MAP3K6: variants seen among roughly 807,000 people sequenced by gnomAD.
The protein encoded by MAP3K6 is apoptosis signal-regulating kinase 2.
In MAP3K6, 105 loss-of-function variants were observed where a neutral mutation model predicts 147.1. The ratio of observed to expected loss-of-function variants is 0.71; its 90% confidence interval spans 0.61 to 0.84. The LOEUF (loss-of-function observed/expected upper bound fraction) is 0.84, where lower values mean the gene tolerates loss of function less well. MAP3K6 is among the 40% of genes least tolerant of loss of function. The probability of loss-of-function intolerance (pLI) is 0.00; values close to 1 mark genes in which losing one functional copy is unlikely to be tolerated. For missense variants in MAP3K6, 1,569 were observed against 1,715.0 expected (o/e 0.91, Z 1.50); for synonymous variants, 695 against 732.4 (o/e 0.95, Z 0.82).
chr1:27,358,625 G>T lies in MAP3K6; in HGVS notation c.2584-14C>A, dbSNP rs754070343. ...GTACATACCCACCTGTGGGGGGAGG[G>T]TGAACAAGGGTGACATTCAGAGGTG... On this transcript the variant is annotated splice_polypyrimidine_tract_variant and intron_variant, in intron 19 of 28. Coordinates refer to ENST00000357582, the MANE Select transcript of MAP3K6 (RefSeq NM_004672.5). This position sits in a 1 kb window ranked among gnomAD's most constrained non-coding sequence, Gnocchi z 6.2. 6.2e-7 allele frequency: 1 copy of T among 1,613,374 alleles called. No individual in the cohort carries two copies. The highest frequency in any genetic ancestry group is 1.3e-5 in the African/African-American group (1 of 74,922).
At position 27,358,126 on chromosome 1, in the gene MAP3K6, G is replaced by A; in HGVS notation, c.2915+55C>T. ...CCCCAGGGAGGGCTTTTGTAGGAGA[G>A]GAGAAAAAGGCAAAACCAGGCAAAA... is the stretch of plus-strand genomic sequence containing the variant. On this transcript the variant is annotated intron_variant, in intron 21 of 28. Transcript: ENST00000357582. This position sits in a 1 kb window ranked among gnomAD's most constrained non-coding sequence, Gnocchi z 6.2. 1 of 1,531,648 alleles carries A rather than the reference G, an allele frequency of 6.5e-7. No homozygotes were observed. Among genetic ancestry groups the A allele is most frequent in the Admixed American group, 2.3e-5 (1 of 44,188 alleles). 94.9% of individuals were successfully genotyped at this position (1,531,648 alleles called of 1,614,324 possible). A position where few individuals can be genotyped will look rare whatever the true frequency, so the allele number is the denominator to read the frequency against.
At position 27,364,861 on chromosome 1, in the gene MAP3K6, T is replaced by C. The variant is rs1469628036; in HGVS notation, c.392A>G (p.Tyr131Cys). 1.9e-6 allele frequency: 3 copies of C among 1,611,712 alleles called. No homozygotes were observed. Among genetic ancestry groups the C allele is most frequent in the Admixed American group, 1.7e-5 (1 of 59,920 alleles). The change falls in exon 2 of 29, where the codon TAC becomes TGC. Residue 131 changes from tyrosine to cysteine, a missense_variant. Coordinates refer to ENST00000357582, the MANE Select transcript of MAP3K6 (RefSeq NM_004672.5). This position sits in a 1 kb window ranked among gnomAD's most constrained non-coding sequence, Gnocchi z 4.4. ...SSSLVQPSLF[Y>C]HLGVRESFSM... ...GAAGCTCTCACGCACACCAAGGTGG[T>C]AGAACAGGGAGGGCTGTACCAGCGA...
chr1:27,366,542 T>C lies in MAP3K6; in HGVS notation c.56A>G (p.Asp19Gly). The change falls in exon 1 of 29, where the codon GAC becomes GGC. Residue 19 changes from aspartate to glycine, a missense_variant. Physicochemically the swap from Asp to Gly is moderately conservative, Grantham distance 94. Coordinates refer to ENST00000357582, the MANE Select transcript of MAP3K6 (RefSeq NM_004672.5). The surrounding 1 kb of genome is among the most constrained non-coding windows in gnomAD (Gnocchi z 5.5). Reference sequence around the variant, plus strand: ...CCGGCTCAGCGCCACGGCCAGCGGGTCCTGCCAGCAGCTGCCGGCGCGCTC... The same window carrying C: ...CCGGCTCAGCGCCACGGCCAGCGGGCCCTGCCAGCAGCTGCCGGCGCGCTC... ...GAERAGSCWQ[D>G]PLAVALSRGR... 9.1e-7 allele frequency: 1 copy of C among 1,101,604 alleles called. No individual in the cohort carries two copies. The highest frequency in any genetic ancestry group is 1.1e-6 in the Non-Finnish European group (1 of 906,140). 68.2% of individuals were successfully genotyped at this position (1,101,604 alleles called of 1,614,324 possible). A position where few individuals can be genotyped will look rare whatever the true frequency, so the allele number is the denominator to read the frequency against.
At chr1:27,357,267 G>A (rs568325764) in intron 23 of MAP3K6, 133 bp downstream of exon 23, 15 of 1,351,038 alleles carry the variant, frequency 1.1e-5, no homozygotes, top group East Asian at 2.4e-5. Flanking sequence ...CTGGGCAGAC[G>A]GTTTTTTGCT....
At position 27,364,041 on chromosome 1, in the gene MAP3K6, C is replaced by G; in HGVS notation, c.740G>C (p.Arg247Pro). Reference protein sequence around the residue: ...ETIRRDIRQARERFSGPQLRQ... With the variant: ...ETIRRDIRQAPERFSGPQLRQ... The stretch of plus-strand genomic sequence containing the variant: ...CAGCTGTGGCCCACTGAACCGCTCC[C>G]GCGCCTGCCGGATGTCCCGCCGAAT... The change falls in exon 5 of 29, where the codon CGG becomes CCG. Residue 247 changes from arginine (R) to proline (P), a missense_variant. Transcript: ENST00000357582. This position sits in a 1 kb window ranked among gnomAD's most constrained non-coding sequence, Gnocchi z 4.4. 1 of 1,612,800 alleles carries G rather than the reference C, an allele frequency of 6.2e-7. No homozygotes were observed. Among genetic ancestry groups the G allele is most frequent in the Non-Finnish European group, 8.5e-7 (1 of 1,179,942 alleles).
At position 27,355,423 on chromosome 1, in the gene MAP3K6, C is replaced by T. The variant is rs917702880; in HGVS notation, c.3835G>A (p.Ala1279Thr). 2 of 1,614,092 alleles carry T rather than the reference C, an allele frequency of 1.2e-6. No individual in the cohort carries two copies. Among genetic ancestry groups the T allele is most frequent in the South Asian group, 1.1e-5 (1 of 91,078 alleles). ...CCAGAGGTGACTGGTGTGGATCCTG[C>T]TCGCTGTGCCAAGATGGCCCTCCAG... The part of the protein sequence containing the change: ...RIWRAILAQR[A>T]GSTPVTSGP The change falls in exon 29 of 29, where the codon GCA (alanine) becomes ACA (threonine). Residue 1279 changes from alanine to threonine, a missense_variant. Coordinates refer to ENST00000357582, the MANE Select transcript of MAP3K6 (RefSeq NM_004672.5).
chr1:27,358,216 C>A lies in MAP3K6; in HGVS notation c.2880G>T (p.Lys960Asn). ...APSQHPPSPP[K>N]RCLSYGGTSQ... is the part of the protein sequence containing the mutation. ...TGGTGCCCCCATAACTGAGGCAGCG[C>A]TTCGGGGGGCTGGGTGGGTGCTGAG... The change falls in exon 21 of 29, where the codon AAG becomes AAT. Residue 960 changes from lysine to asparagine, a missense_variant. By Grantham distance (94) the Lys-to-Asn change is moderately conservative. Coordinates refer to ENST00000357582, the MANE Select transcript of MAP3K6 (RefSeq NM_004672.5). This position sits in a 1 kb window ranked among gnomAD's most constrained non-coding sequence, Gnocchi z 6.2. 2 of 1,596,220 alleles carry A rather than the reference C, an allele frequency of 1.3e-6. No individual in the cohort carries two copies. The highest frequency in any genetic ancestry group is 1.7e-6 in the Non-Finnish European group (2 of 1,175,110).
rs1309817682 is a variant in MAP3K6 at position 27,366,002 on chromosome 1, A to C, written c.340+256T>G. Among the ~76,000 whole-genome samples the C allele has an allele frequency of 2.6e-5, 4 of 151,180 alleles. No homozygotes were observed. Among genetic ancestry groups the C allele is most frequent in the Non-Finnish European group, 5.9e-5 (4 of 67,786 alleles). Reference sequence around the variant, plus strand: ...GCTGGCTGGGCACCGCTCCGACTGAAGGGTGCCTAAGCCCCAACCTCGAGC... The same window carrying C: ...GCTGGCTGGGCACCGCTCCGACTGACGGGTGCCTAAGCCCCAACCTCGAGC... On this transcript the variant is annotated intron_variant, in intron 1 of 28. Transcript: ENST00000357582. This position sits in a 1 kb window ranked among gnomAD's most constrained non-coding sequence, Gnocchi z 5.5.
In MAP3K6 at chr1:27,360,072, AC is replaced by A; in HGVS notation, c.2183-79del. 1.9e-6 allele frequency: 3 copies of A among 1,596,692 alleles called. No homozygotes were observed. Among genetic ancestry groups the A allele is most frequent in the Non-Finnish European group, 2.6e-6 (3 of 1,168,540 alleles). On this transcript the variant is annotated intron_variant, in intron 16 of 28. Coordinates refer to ENST00000357582, the MANE Select transcript of MAP3K6 (RefSeq NM_004672.5). The surrounding 1 kb of genome is among the most constrained non-coding windows in gnomAD (Gnocchi z 4.5). ...ATCTCTCTGCTCAAGGCCCAGACAC[AC>A]CCATGTTGTAGCCCAACTCCATCAC...
rs112507014 is a variant in MAP3K6, at chr1:27,360,132, C to A, written c.2182+109G>T. 4.1e-5 allele frequency: 64 copies of A among 1,577,280 alleles called. 2 individuals carry two copies. In the African/African-American group the frequency reaches 6.2e-4, roughly 15 times the overall value. On this transcript the variant is annotated intron_variant, in intron 16 of 28. Coordinates refer to ENST00000357582, the MANE Select transcript of MAP3K6 (RefSeq NM_004672.5). This position sits in a 1 kb window ranked among gnomAD's most constrained non-coding sequence, Gnocchi z 4.5. ...ACTCCTCAGCTAATTCTAGGCTACA[C>A]CACCCACACGCACTAGGGTGCATTT...
intron 5 of MAP3K6, 117 bp downstream of exon 5, chr1:27,363,800 G>T: frequency 9.7e-7 from 1 of 1,034,038 alleles, no homozygotes; most frequent in Non-Finnish European, 1.4e-6. Context: ...AACACTCAGA[G>T]ACATTGGATA....
At chr1:27,357,603 C>A (rs890171461) in intron 22 of MAP3K6, 27 bp from the exon 23 acceptor site, 1 of 1,597,048 alleles carries the variant, frequency 6.3e-7, no homozygotes, top group African/African-American at 1.3e-5. Flanking sequence ...GGGTTGTCAG[C>A]GAGTGCTCCA....
chr1:27,364,156 C>T lies in MAP3K6; in HGVS notation c.695+48G>A. ...TGTACCTCAGCCCCAGCCCACCATA[C>T]CCTCACCAGCCCCCTCCTGGAGCAC... On this transcript the variant is annotated intron_variant, in intron 4 of 28. Transcript: ENST00000357582. The surrounding 1 kb of genome is among the most constrained non-coding windows in gnomAD (Gnocchi z 4.4). 6.3e-7 allele frequency: 1 copy of T among 1,599,186 alleles called. No homozygotes were observed. Among genetic ancestry groups the T allele is most frequent in the South Asian group, 1.1e-5 (1 of 89,722 alleles).
At chr1:27,365,480 T>C (rs2015942983) in intron 1 of MAP3K6, among the ~76,000 whole-genome samples, 1 of 152,196 alleles carries the variant, frequency 6.6e-6, no homozygotes, top group South Asian at 2.1e-4. Flanking sequence ...GCCTTCATTT[T>C]AGGCTACGAT....
rs2015906301 is a variant in MAP3K6 at position 27,364,520 on chromosome 1, G to A, written c.505-126C>T. On this transcript the variant is annotated intron_variant, in intron 3 of 28. Coordinates refer to ENST00000357582, the MANE Select transcript of MAP3K6 (RefSeq NM_004672.5). This position sits in a 1 kb window ranked among gnomAD's most constrained non-coding sequence, Gnocchi z 4.4. ...CGCAGGAAAGGGGCACCCGTCATGA[G>A]AGGAGGCAACAGGAAACAGAGGAAT... The A allele has an allele frequency of 3.3e-6, 5 of 1,537,872 alleles. No homozygotes were observed. Among genetic ancestry groups the A allele is most frequent in the African/African-American group, 1.4e-5 (1 of 73,308 alleles).
chr1:27,358,852 T>G lies in MAP3K6; in HGVS notation c.2440A>C (p.Met814Leu). Residue 814 changes from methionine to leucine, a missense_variant, in exon 19 of 29, where the codon ATG becomes CTG. Coordinates refer to ENST00000357582, the MANE Select transcript of MAP3K6 (RefSeq NM_004672.5). The surrounding 1 kb of genome is among the most constrained non-coding windows in gnomAD (Gnocchi z 6.2). ...CCCTGGTCAATGATTTCTGGGGCCA[T>G]ATACTGCAGAGTTCCTAGGACAGAA... The part of the protein sequence containing the change: ...TETFTGTLQY[M>L]APEIIDQGPR... 6.3e-7 allele frequency: 1 copy of G among 1,585,076 alleles called. No individual in the cohort carries two copies. Among genetic ancestry groups the G allele is most frequent in the South Asian group, 1.2e-5 (1 of 86,018 alleles).
At position 27,362,689 on chromosome 1, in the gene MAP3K6, T is replaced by C; in HGVS notation, c.1207A>G (p.Ile403Val). 1 of 1,608,700 alleles carries C rather than the reference T, an allele frequency of 6.2e-7. No individual in the cohort carries two copies. The highest frequency in any genetic ancestry group is 8.5e-7 in the Non-Finnish European group (1 of 1,177,200). The change falls in exon 8 of 29, where the codon ATT (isoleucine) becomes GTT (valine). Residue 403 changes from isoleucine (I) to valine (V), a missense_variant. Ile to Val is a conservative substitution (Grantham distance 29, BLOSUM62 3). Coordinates refer to ENST00000357582, the MANE Select transcript of MAP3K6 (RefSeq NM_004672.5). Reference sequence around the variant, plus strand: ...TCCTCAAAGTGCTGCCCGGCAGCAATGAGGAGCACAGCTGCATTGATGCCT... The same window carrying C: ...TCCTCAAAGTGCTGCCCGGCAGCAACGAGGAGCACAGCTGCATTGATGCCT... ...HSGINAAVLL[I>V]AAGQHFEDSK...
At position 27,366,287 on chromosome 1, in the gene MAP3K6, G is replaced by A; in HGVS notation, c.311C>T (p.Thr104Ile). The A allele has an allele frequency of 7.5e-7, 1 of 1,336,780 alleles. No individual in the cohort carries two copies. The highest frequency in any genetic ancestry group is 9.6e-7 in the Non-Finnish European group (1 of 1,044,982). 82.8% of individuals were successfully genotyped at this position (1,336,780 alleles called of 1,614,324 possible). A position where few individuals can be genotyped will look rare whatever the true frequency, so the allele number is the denominator to read the frequency against. The change falls in exon 1 of 29, where the codon ACC becomes ATC. Residue 104 changes from threonine (T) to isoleucine (I), a missense_variant. Coordinates refer to ENST00000357582, the MANE Select transcript of MAP3K6 (RefSeq NM_004672.5). This position sits in a 1 kb window ranked among gnomAD's most constrained non-coding sequence, Gnocchi z 5.5. ...LPFGTLELGD[T>I]AALDAFYNAD... ...GTTGTAGAAGGCATCCAGAGCCGCG[G>A]TGTCGCCTAGCTCCAGCGTCCCGAA... is the stretch of plus-strand genomic sequence containing the variant.
At position 27,357,826 on chromosome 1, in the gene MAP3K6, G is replaced by C. The variant is rs753746821; in HGVS notation, c.2966C>G (p.Ser989Trp). 1 of 1,602,390 alleles carries C rather than the reference G, an allele frequency of 6.2e-7. No homozygotes were observed. Among genetic ancestry groups the C allele is most frequent in the South Asian group, 1.1e-5 (1 of 89,718 alleles). Residue 989 changes from serine to tryptophan, a missense_variant, in exon 22 of 29, where the codon TCG (serine) becomes TGG (tryptophan). Ser to Trp is a radical substitution (Grantham distance 177). Coordinates refer to ENST00000357582, the MANE Select transcript of MAP3K6 (RefSeq NM_004672.5). ...CTCCTGGTGCAGCAGGCTCAGCCCC[G>C]AACTCTCCTCCGGAGACGCAGGCTC... Reference protein sequence around the residue: ...AEEPASPEESSGLSLLHQESK... With the variant: ...AEEPASPEESWGLSLLHQESK...
Sources: gnomAD v4.1 joint callset for allele counts (sites outside exome capture counted in the v4.1 genomes callset) on GRCh38, gnomAD v4.1.1 for gene constraint, Gnocchi (gnomAD v3.1) non-coding constraint, MANE v1.5 for transcripts, NCBI Gene and HGNC (gene_info 2026-07-23, HGNC 2026-07-21) for gene names.